The following GRIN2B variants were observed in gnomAD, a reference collection of about 807,000 sequenced individuals.
The protein encoded by GRIN2B is glutamate ionotropic receptor NMDA type subunit 2B.
GRIN2B carries 5 observed loss-of-function variants against 114.5 expected under a neutral mutation model. The ratio of observed to expected loss-of-function variants is 0.04; its 90% CI spans 0.02 to 0.09. GRIN2B has a LOEUF of 0.09. Ranked by LOEUF, GRIN2B falls within the 10% of genes least tolerant of loss-of-function variation. The pLI is 1.00. For synonymous variants in GRIN2B, 787 were observed against 745.1 expected (o/e 1.06, Z -0.92); for missense variants, 1,108 against 1,943.5 (o/e 0.57, Z 8.08).
At chr12:13,596,268 A>G (rs1949072117) in intron 10 of GRIN2B, among the ~76,000 whole-genome samples, 1 of 152,214 alleles carries the variant, frequency 6.6e-6, no homozygotes, top group Admixed American at 6.5e-5. Context: ...TCTGTTGGCA[A>G]TCAGTTCTTG....
Position 13,616,621 on chromosome 12 carries a change from A to G in GRIN2B, c.1162T>C (p.Tyr388His). Residue 388 changes from tyrosine to histidine, a missense_variant, in exon 6 of 14, where the codon TAC becomes CAC. By Grantham distance (83) the Tyr-to-His change is moderately conservative (BLOSUM62 2). Coordinates refer to ENST00000609686, the MANE Select transcript of GRIN2B (RefSeq NM_000834.5). ...KWKDKSLQMK[Y>H]YVWPRMCPET... ...GGACACATTCGGGGCCACACATAGT[A>G]CTTCATCTGCAGGGACTTGTCTTTC... 4 of 1,614,074 alleles carry G rather than the reference A, an allele frequency of 2.5e-6. No homozygotes were observed. Among genetic ancestry groups the G allele is most frequent in the Non-Finnish European group, 3.4e-6 (4 of 1,179,946 alleles).
intron 2 of GRIN2B, among the ~76,000 whole-genome samples, chr12:13,940,163 A>G (rs566170648): frequency 3.5e-4 from 53 of 152,250 alleles, no homozygotes; most frequent in African/African-American, 1.1e-3. Flanking sequence ...AATATTTTGC[A>G]ATAGGGCCTG....
intron 4 of GRIN2B, among the ~76,000 whole-genome samples, chr12:13,695,309 G>A (rs1466797881): frequency 6.6e-6 from 1 of 152,132 alleles, no homozygotes; most frequent in Non-Finnish European, 1.5e-5. Context: ...TATCTCTCAG[G>A]TGTATGACCT....
At chr12:13,667,071 G>T (rs536086327) in intron 5 of GRIN2B, among the ~76,000 whole-genome samples, 4 of 152,232 alleles carry the variant, frequency 2.6e-5, no homozygotes, top group African/African-American at 9.6e-5. Context: ...GCTGGAAAGG[G>T]TCTCATACTG....
chr12:13,893,842 G>A (rs76544075), intron 2 of GRIN2B, among the ~76,000 whole-genome samples: 3,906 of 151,994 alleles, frequency 0.026, 178 homozygotes, highest in African/African-American at 0.09. Flanking sequence ...AAAGAAGGGG[G>A]CTTGCATTTA....
chr12:13,824,775 G>A (rs534141203), intron 3 of GRIN2B, among the ~76,000 whole-genome samples: 16 of 146,854 alleles, frequency 1.1e-4, no homozygotes, highest in Admixed American at 8.5e-4. Flanking sequence ...AGAATTGCTT[G>A]AACCCGGGAG....
intron 4 of GRIN2B, among the ~76,000 whole-genome samples, chr12:13,692,066 G>A (rs1163950698): frequency 6.6e-6 from 1 of 152,172 alleles, no homozygotes; most frequent in South Asian, 2.1e-4. Flanking sequence ...AAAAGCCCCC[G>A]ATTGAAGCCA....
chr12:13,707,985 G>C (rs1950376674), intron 4 of GRIN2B, among the ~76,000 whole-genome samples: 1 of 146,104 alleles, frequency 6.8e-6, no homozygotes, highest in African/African-American at 2.6e-5. Context: ...TCTAAGCAAG[G>C]CTAGAAGCCT....
intron 3 of GRIN2B, among the ~76,000 whole-genome samples, chr12:13,848,610 C>A (rs1471464486): frequency 6.6e-6 from 1 of 152,158 alleles, no homozygotes; most frequent in African/African-American, 2.4e-5. Flanking sequence ...CACAAAGTGG[C>A]CATGATTGCT....
Position 13,562,680 on chromosome 12 carries a change from C to A in GRIN2B, c.*103G>T. On this transcript the variant is annotated 3_prime_UTR_variant, in exon 14 of 14. Transcript: ENST00000609686. Reference sequence around the variant, plus strand: ...TAAATAAATTAAAACAAGAAAGGAGCAAATGGGAACCAAGTTCACCCCCGT... The same window carrying A: ...TAAATAAATTAAAACAAGAAAGGAGAAAATGGGAACCAAGTTCACCCCCGT... 1 of 996,614 alleles carries A rather than the reference C, an allele frequency of 1.0e-6. No individual in the cohort carries two copies. Among genetic ancestry groups the A allele is most frequent in the Non-Finnish European group, 1.6e-6 (1 of 623,130 alleles). 61.7% of individuals were successfully genotyped at this position (996,614 alleles called of 1,614,324 possible).
chr12:13,596,729 T>C (rs1949078471), intron 10 of GRIN2B, among the ~76,000 whole-genome samples: 1 of 152,236 alleles, frequency 6.6e-6, no homozygotes, highest in Non-Finnish European at 1.5e-5. Context: ...TGCAAGGGGC[T>C]GTATGTGCAC....
At chr12:13,959,083 T>A (rs1867647146) in intron 2 of GRIN2B, among the ~76,000 whole-genome samples, 1 of 152,192 alleles carries the variant, frequency 6.6e-6, no homozygotes, top group Admixed American at 6.5e-5. Context: ...AATAAATACT[T>A]GTGACCAAAA....
intron 2 of GRIN2B, among the ~76,000 whole-genome samples, chr12:13,963,363 A>G (rs1036330850): frequency 2.6e-5 from 4 of 152,278 alleles, no homozygotes; most frequent in African/African-American, 7.2e-5. Flanking sequence ...AGCTTCTGCA[A>G]TTCTCCGCGG....
In GRIN2B at chr12:13,660,428, A is replaced by G. The variant is rs561934817; in HGVS notation, c.1125+15317T>C. Among the ~76,000 whole-genome samples the G allele has an allele frequency of 2.0e-4, 31 of 152,318 alleles. No individual in the cohort carries two copies. The East Asian group carries it at 4.6e-3, about 23-fold the overall frequency. ...CACCCAGCACAGAGTCCTTCATAGA[A>G]GAGCCCTTCAGTTTAGGTTTGTTGA... is the stretch of plus-strand genomic sequence containing the variant. On this transcript the variant is annotated intron_variant, in intron 5 of 13. Transcript: ENST00000609686.
At chr12:13,571,694 T>C in intron 11 of GRIN2B, 110 bp downstream of exon 11, 2 of 1,183,280 alleles carry the variant, frequency 1.7e-6, no homozygotes, top group South Asian at 2.5e-5. Context: ...GAAGTCTTCT[T>C]TAACATTTTA....
intron 2 of GRIN2B, among the ~76,000 whole-genome samples, chr12:13,887,427 T>C (rs1332375085): frequency 6.6e-6 from 1 of 152,082 alleles, no homozygotes; most frequent in East Asian, 1.9e-4. Flanking sequence ...AAAAAAGTTT[T>C]CTCTATCCTC....
chr12:13,673,860 C>T lies in GRIN2B; in HGVS notation c.1125+1885G>A, dbSNP rs538485033. ...CCCCCTCTGTACATCTTATGAGCTA[C>T]CTATGAAGCCTCAGTTATTAATAGT... On this transcript the variant is annotated intron_variant, in intron 5 of 13. Coordinates refer to ENST00000609686, the MANE Select transcript of GRIN2B (RefSeq NM_000834.5). Among the ~76,000 whole-genome samples, 8 of 152,122 alleles carry T rather than the reference C, an allele frequency of 5.3e-5. No individual in the cohort carries two copies. The East Asian group carries it at 1.2e-3, about 22-fold the overall frequency.
intron 2 of GRIN2B, among the ~76,000 whole-genome samples, chr12:13,883,770 AAAG>A (rs1238432513): frequency 2.0e-5 from 3 of 152,140 alleles, no homozygotes; most frequent in African/African-American, 7.2e-5. Context: ...CCTTTCAAAA[AAAG>A]AAGTTTTTGT....
At position 13,553,299 on chromosome 12, in the gene GRIN2B, C is replaced by T. The variant is rs1948439256; in HGVS notation, c.*9484G>A. The T allele has an allele frequency of 6.6e-6, 1 of 152,176 alleles. No individual in the cohort carries two copies. The highest frequency in any genetic ancestry group is 2.1e-4 in the South Asian group (1 of 4,828). The allele number at this position is 152,176 out of a possible 1,614,324, so 9.4% of individuals were successfully genotyped here. On this transcript the variant is annotated 3_prime_UTR_variant, in exon 14 of 14. Transcript: ENST00000609686. The stretch of plus-strand genomic sequence containing the variant: ...GTTGTCTCCCCCTGAGGTAATGAAT[C>T]CCTTTATATTTACAGAGAAAGGAGT...
Sources: allele counts gnomAD v4.1 joint callset (sites outside exome capture counted in the v4.1 genomes callset), GRCh38; gene constraint gnomAD v4.1.1; transcripts MANE v1.5; gene names NCBI Gene and HGNC (gene_info 2026-07-23, HGNC 2026-07-21).